DLEU7: variants seen among roughly 807,000 people sequenced by gnomAD.
DLEU7 encodes the protein deleted in lymphocytic leukemia 7.
A neutral mutation model predicts 16.0 loss-of-function variants in DLEU7; 17 were observed. The ratio of observed to expected loss-of-function variants is 1.06; its 90% CI spans 0.73 to 1.59. The LOEUF is 1.59. DLEU7 is among the 40% of genes most tolerant of loss of function. DLEU7 has a pLI of 0.00. For synonymous variants in DLEU7, 113 were observed against 139.8 expected (o/e 0.81, Z 1.35); for missense variants, 308 against 314.9 (o/e 0.98, Z 0.17).
intron 1 of DLEU7, among the ~76,000 whole-genome samples, chr13:50,769,061 T>C (rs940477834): frequency 3.9e-5 from 6 of 152,238 alleles, no homozygotes; most frequent in African/African-American, 1.2e-4. Context: ...TTTCATGTGT[T>C]TTTTGGCTGC....
intron 1 of DLEU7, among the ~76,000 whole-genome samples, chr13:50,722,049 A>G (rs1335302710): frequency 2.0e-5 from 3 of 152,162 alleles, no homozygotes; most frequent in African/African-American, 7.2e-5. Context: ...GCAAGTAGAG[A>G]AGAGCATGGG....
At chr13:50,711,692 T>C (rs979266555), downstream of DLEU7, 30 of 151,766 alleles carry the variant, frequency 2.0e-4, 1 homozygote, top group African/African-American at 7.0e-4. Context: ...ATTAATATTA[T>C]TAAGGACATT....
intron 1 of DLEU7, among the ~76,000 whole-genome samples, chr13:50,775,859 A>C (rs912477537): frequency 3.3e-5 from 5 of 152,198 alleles, no homozygotes; most frequent in Admixed American, 3.3e-4. Flanking sequence ...TATAATTCTC[A>C]TCTGTTTTCC....
At chr13:50,794,659 A>G (rs1465259963) in intron 1 of DLEU7, among the ~76,000 whole-genome samples, 1 of 152,206 alleles carries the variant, frequency 6.6e-6, no homozygotes, top group East Asian at 1.9e-4. Flanking sequence ...TTCTCAAAAG[A>G]GAAGAGCAGG....
At chr13:50,826,015 C>T (rs576232707) in intron 1 of DLEU7, among the ~76,000 whole-genome samples, 15 of 138,932 alleles carry the variant, frequency 1.1e-4, no homozygotes, top group Admixed American at 9.5e-4. Context: ...CCCCCTCCCC[C>T]GACCCCACGA....
intron 1 of DLEU7, among the ~76,000 whole-genome samples, chr13:50,770,247 A>G (rs932691148): frequency 6.6e-6 from 1 of 152,144 alleles, no homozygotes; most frequent in African/African-American, 2.4e-5. Context: ...TCTTTTCTTA[A>G]TTGAATACCC....
chr13:50,773,538 G>C (rs1875393978), intron 1 of DLEU7, among the ~76,000 whole-genome samples: 1 of 152,156 alleles, frequency 6.6e-6, no homozygotes, highest in Non-Finnish European at 1.5e-5. Context: ...CTCAACTGCA[G>C]GTCTGTTGGA....
rs1876979499 is a variant in DLEU7, at chr13:50,823,476, C to G, written c.504G>C (p.Gln168His). Reference protein sequence around the residue: ...FRNICSHLALQIEGQQFDRDL... With the variant: ...FRNICSHLALHIEGQQFDRDL... ...CTCTGTCAAACTGCTGTCCTTCAAT[C>G]TGTAGAGCCAAATGACTGCAGATGT... Residue 168 changes from glutamine to histidine, a missense_variant, in exon 2 of 2, where the codon CAG becomes CAC. Physicochemically the swap from Gln to His is conservative, Grantham distance 24. Transcript: ENST00000504404. 6.5e-7 allele frequency: 1 copy of G among 1,535,940 alleles called. No homozygotes were observed. Among genetic ancestry groups the G allele is most frequent in the Non-Finnish European group, 8.7e-7 (1 of 1,146,736 alleles).
chr13:50,793,867 T>G (rs537882214), intron 1 of DLEU7, among the ~76,000 whole-genome samples: 1 of 152,214 alleles, frequency 6.6e-6, no homozygotes, highest in Non-Finnish European at 1.5e-5. Flanking sequence ...TTGGACCCAT[T>G]TGTCAATTTC....
intron 1 of DLEU7, among the ~76,000 whole-genome samples, chr13:50,783,879 A>G (rs576319574): frequency 2.3e-4 from 35 of 152,258 alleles, no homozygotes; most frequent in Non-Finnish European, 4.6e-4. Flanking sequence ...ACCACGCCCA[A>G]AGGAACACAT....
rs1179111123 is a variant in DLEU7 at position 50,784,742 on chromosome 13, T to C, written c.459+58446A>G. 2.0e-5 allele frequency among the ~76,000 whole-genome samples: 3 copies of C among 152,212 alleles called. No homozygotes were observed. In the East Asian group the frequency reaches 5.8e-4, roughly 29 times the overall value. On this transcript the variant is annotated intron_variant, in intron 1 of 1. Transcript: ENST00000400393. The stretch of plus-strand genomic sequence containing the variant: ...GCTCGGACCATCTGGGTTCTTTCTC[T>C]GATCTGTAGTGGAGTGATCAATCTC...
intron 1 of DLEU7, among the ~76,000 whole-genome samples, chr13:50,735,305 G>T (rs1342348): frequency 6.6e-6 from 1 of 151,958 alleles, no homozygotes. Flanking sequence ...TCTTACCCTA[G>T]TTGATATTTA....
intron 1 of DLEU7, among the ~76,000 whole-genome samples, chr13:50,791,707 C>T (rs1039903549): frequency 1.2e-4 from 18 of 152,098 alleles, no homozygotes; most frequent in Admixed American, 6.5e-5. Flanking sequence ...ACAAATTGGC[C>T]TGAATGTAAA....
At chr13:50,738,875 A>T (rs1452991912) in intron 1 of DLEU7, among the ~76,000 whole-genome samples, 1 of 151,940 alleles carries the variant, frequency 6.6e-6, no homozygotes, top group African/African-American at 2.4e-5. Flanking sequence ...TCTTAACATG[A>T]TCTACAAGTT....
At chr13:50,782,720 A>T (rs113383953) in intron 1 of DLEU7, among the ~76,000 whole-genome samples, 429 of 151,932 alleles carry the variant, frequency 2.8e-3, no homozygotes, top group Non-Finnish European at 4.5e-3. Context: ...CAGGACTCAA[A>T]ATTGTCTTTT....
chr13:50,763,122 G>C (rs887251680), intron 1 of DLEU7, among the ~76,000 whole-genome samples: 2 of 152,156 alleles, frequency 1.3e-5, no homozygotes, highest in Non-Finnish European at 2.9e-5. Flanking sequence ...GAGGGACAAT[G>C]ATGTGTGAGA....
intron 1 of DLEU7, among the ~76,000 whole-genome samples, chr13:50,765,590 G>T (rs192514089): frequency 4.6e-5 from 7 of 152,214 alleles, no homozygotes; most frequent in Non-Finnish European, 8.8e-5. Context: ...AAAGGGCAAA[G>T]AAGAGAATAA....
intron 1 of DLEU7, among the ~76,000 whole-genome samples, chr13:50,830,072 T>C (rs534633731): frequency 2.0e-5 from 3 of 152,058 alleles, no homozygotes; most frequent in Admixed American, 2.0e-4. Flanking sequence ...TGTAATATCC[T>C]ACACGATGCT....
chr13:50,716,476 A>G (rs1217505376), intron 1 of DLEU7, among the ~76,000 whole-genome samples: 5 of 152,248 alleles, frequency 3.3e-5, no homozygotes, highest in Admixed American at 3.3e-4. Flanking sequence ...CTGATCGAGG[A>G]AGGCTAATGT....
Sources: gnomAD v4.1 joint callset for allele counts (sites outside exome capture counted in the v4.1 genomes callset) on GRCh38, gnomAD v4.1.1 for gene constraint, MANE v1.5 for transcripts, NCBI Gene and HGNC (gene_info 2026-07-23, HGNC 2026-07-21) for gene names.